The following ITGB3 variants were observed in gnomAD, a reference collection of about 807,000 sequenced individuals.
The protein encoded by ITGB3 is integrin subunit beta 3.
A neutral mutation model predicts 85.8 loss-of-function variants in ITGB3; 48 were observed. The ratio of observed to expected loss-of-function variants is 0.56; its 90% CI spans 0.44 to 0.71. ITGB3 has a LOEUF of 0.71. ITGB3 is among the 30% of genes least tolerant of loss of function. The pLI is 0.00. For missense variants in ITGB3, 861 were observed against 1,019.1 expected (o/e 0.84, Z 2.11); for synonymous variants, 363 against 395.6 (o/e 0.92, Z 0.98).
intron 5 of ITGB3, among the ~76,000 whole-genome samples, chr17:47,286,841 A>C (rs1420696441): frequency 6.6e-6 from 1 of 152,250 alleles, no homozygotes; most frequent in Non-Finnish European, 1.5e-5. Context: ...GATCTCATTC[A>C]GCTGCTTGAA....
In ITGB3 at chr17:47,274,653, A is replaced by G. The variant is rs572089339; in HGVS notation, c.165+149A>G. The G allele has an allele frequency of 7.7e-4, 550 of 715,148 alleles. 4 individuals carry two copies. Among genetic ancestry groups the G allele is most frequent in the Middle Eastern group, 3.3e-3 (14 of 4,280 alleles). 44.3% of individuals were successfully genotyped at this position (715,148 alleles called of 1,614,324 possible). A position where few individuals can be genotyped will look rare whatever the true frequency, so the allele number is the denominator to read the frequency against. On this transcript the variant is annotated intron_variant, in intron 2 of 14. Coordinates refer to ENST00000559488, the MANE Select transcript of ITGB3 (RefSeq NM_000212.3). Reference sequence around the variant, plus strand: ...TTTGATGAATTTTTCCCATTGATGCATGGTGAGGAGCTGTCATGGGGATGT... The same window carrying G: ...TTTGATGAATTTTTCCCATTGATGCGTGGTGAGGAGCTGTCATGGGGATGT...
At chr17:47,254,923 G>A (rs969460711) in intron 1 of ITGB3, among the ~76,000 whole-genome samples, 11 of 149,842 alleles carry the variant, frequency 7.3e-5, no homozygotes, top group African/African-American at 2.2e-4. Context: ...TGTAGTACTC[G>A]TAAAACAATC....
At chr17:47,297,028 C>T (rs546894349) in intron 10 of ITGB3, among the ~76,000 whole-genome samples, 7 of 152,320 alleles carry the variant, frequency 4.6e-5, no homozygotes, top group African/African-American at 1.7e-4. Flanking sequence ...CTGGACTTTC[C>T]ATAACTTCTT....
In ITGB3 at chr17:47,312,471, A is replaced by T. The variant is rs2065219189; in HGVS notation, c.*2267A>T. Among the ~76,000 whole-genome samples the T allele has an allele frequency of 1.3e-5, 2 of 152,166 alleles. No individual in the cohort carries two copies. The highest frequency in any genetic ancestry group is 2.1e-4 in the South Asian group (1 of 4,826). On this transcript the variant is annotated 3_prime_UTR_variant, in exon 15 of 15. Coordinates refer to ENST00000559488, the MANE Select transcript of ITGB3 (RefSeq NM_000212.3). ...AATAGTGGCAGGGAACAGGTGTGGA[A>T]GCTCATGCCTGTAATTATAACCTTC...
intron 1 of ITGB3, among the ~76,000 whole-genome samples, chr17:47,266,179 A>G (rs1422664463): frequency 6.6e-6 from 1 of 152,158 alleles, no homozygotes; most frequent in African/African-American, 2.4e-5. Flanking sequence ...GGAAGTGAGC[A>G]GTCAAAGGTC....
intron 12 of ITGB3, among the ~76,000 whole-genome samples, chr17:47,302,111 A>G (rs770269998): frequency 6.6e-6 from 1 of 152,162 alleles, no homozygotes; most frequent in Non-Finnish European, 1.5e-5. Context: ...ATCTTTGCAG[A>G]ATAACAAACT....
intron 3 of ITGB3, among the ~76,000 whole-genome samples, chr17:47,283,782 T>C (rs2065092683): frequency 6.6e-6 from 1 of 152,226 alleles, no homozygotes; most frequent in Non-Finnish European, 1.5e-5. Context: ...TATTTGACCT[T>C]GGACAAGTTA....
intron 1 of ITGB3, 88 bp downstream of exon 1, chr17:47,254,028 A>G (rs1598673658): frequency 1.1e-6 from 1 of 883,780 alleles, no homozygotes; most frequent in South Asian, 2.3e-5. Context: ...GCAAACGCGG[A>G]GGGCTGGTCC....
At chr17:47,288,501 C>T (rs921000615) in intron 6 of ITGB3, among the ~76,000 whole-genome samples, 1 of 152,116 alleles carries the variant, frequency 6.6e-6, no homozygotes, top group South Asian at 2.1e-4. Context: ...GTGAACTCTT[C>T]GTCTCCTAAG....
intron 2 of ITGB3, among the ~76,000 whole-genome samples, chr17:47,276,202 C>T (rs1030920801): frequency 1.3e-5 from 2 of 152,094 alleles, no homozygotes; most frequent in African/African-American, 4.8e-5. Context: ...GTATCTCTGG[C>T]CCAGAGAATC....
In ITGB3 at chr17:47,312,121, A is replaced by G. The variant is rs769714691; in HGVS notation, c.*1917A>G. 1.3e-5 allele frequency among the ~76,000 whole-genome samples: 2 copies of G among 151,944 alleles called. No individual in the cohort carries two copies. Among genetic ancestry groups the G allele is most frequent in the Non-Finnish European group, 2.9e-5 (2 of 68,036 alleles). ...CCTTTCTCAATGAAAGTCTCATTCT[A>G]TCCTCTCTCCAAACCCGTTTTCCAA... On this transcript the variant is annotated 3_prime_UTR_variant, in exon 15 of 15. Transcript: ENST00000559488.
chr17:47,283,241 G>C, intron 2 of ITGB3, 113 bp from the exon 3 acceptor site: 1 of 978,866 alleles, frequency 1.0e-6, no homozygotes, highest in South Asian at 1.4e-5. Context: ...ATTTGTTTAT[G>C]CTCCAATGTA....
chr17:47,308,160 A>AAAAAATAATAATAATAAT (rs2065196651), intron 14 of ITGB3, among the ~76,000 whole-genome samples: 9 of 138,558 alleles, frequency 6.5e-5, no homozygotes, highest in Non-Finnish European at 7.7e-5. Flanking sequence ...TCGGTCTCAA[A>AAAAAATAATAATAATAAT]AATAATAATA....
At chr17:47,254,471 TTTTC>T (rs879673313) in intron 1 of ITGB3, among the ~76,000 whole-genome samples, 31 of 152,300 alleles carry the variant, frequency 2.0e-4, no homozygotes, top group Admixed American at 5.9e-4. Context: ...TCTTTTCCTT[TTTTC>T]TTTCTTTCTT....
At chr17:47,272,748 C>G (rs1345041930) in intron 1 of ITGB3, among the ~76,000 whole-genome samples, 1 of 131,428 alleles carries the variant, frequency 7.6e-6, no homozygotes, top group Non-Finnish European at 1.6e-5. Flanking sequence ...TTCTTTCTTT[C>G]TCTCTCCTTC....
Position 47,300,479 on chromosome 17 carries a change from G to A in ITGB3, c.1915G>A (p.Glu639Lys), listed in dbSNP as rs762316156. The A allele has an allele frequency of 1.3e-5, 21 of 1,612,588 alleles. No individual in the cohort carries two copies. The highest frequency in any genetic ancestry group is 1.7e-5 in the Non-Finnish European group (20 of 1,178,686). ...ATCACTGTGTCCTCTCTCCTTCAGA[G>A]AATGTGTGGAGTGTAAGAAGTTTGA... ...TCPDACTFKK[E>K]CVECKKFDRG... The change falls in exon 12 of 15, where the codon GAA becomes AAA. Residue 639 changes from glutamate (E) to lysine (K), a missense_variant and splice_region_variant. By Grantham distance (56) the Glu-to-Lys change is moderately conservative. Coordinates refer to ENST00000559488, the MANE Select transcript of ITGB3 (RefSeq NM_000212.3).
intron 8 of ITGB3, 57 bp downstream of exon 8, chr17:47,290,331 C>T: frequency 2.9e-6 from 4 of 1,399,828 alleles, no homozygotes; most frequent in Non-Finnish European, 3.0e-6. Flanking sequence ...TTGGCTTACA[C>T]AGCAGGGCTC....
chr17:47,275,769 T>C (rs1344887897), intron 2 of ITGB3, among the ~76,000 whole-genome samples: 1 of 152,246 alleles, frequency 6.6e-6, no homozygotes, highest in African/African-American at 2.4e-5. Flanking sequence ...GCACGGGAAC[T>C]GCTTCCAGAG....
In ITGB3 at chr17:47,283,385, T is replaced by C; in HGVS notation, c.197T>C (p.Leu66Pro). ...CCTCTGGGCTCACCTCGCTGTGACC[T>C]GAAGGAGAATCTGCTGAAGGATAAC... ...ALPLGSPRCD[L>P]KENLLKDNCA... Residue 66 changes from leucine (L) to proline (P), a missense_variant, in exon 3 of 15, where the codon CTG becomes CCG. By Grantham distance (98) the Leu-to-Pro change is moderately conservative. Transcript: ENST00000559488. 6.2e-7 allele frequency: 1 copy of C among 1,614,240 alleles called. No homozygotes were observed. Among genetic ancestry groups the C allele is most frequent in the African/African-American group, 1.3e-5 (1 of 75,060 alleles).
Sources: allele counts gnomAD v4.1 joint callset (sites outside exome capture counted in the v4.1 genomes callset), GRCh38; gene constraint gnomAD v4.1.1; transcripts MANE v1.5; gene names NCBI Gene and HGNC (gene_info 2026-07-23, HGNC 2026-07-21).